The following DPP10 variants were observed in gnomAD, a reference collection of about 807,000 sequenced individuals.
DPP10 encodes inactive dipeptidyl peptidase 10.
Under a neutral mutation model 120.9 loss-of-function variants are expected in DPP10, and 33 were observed. The observed-to-expected ratio is 0.27, with a 90% CI of 0.21 to 0.37. DPP10 has a LOEUF of 0.37. Ranked by LOEUF, DPP10 falls within the 10% of genes least tolerant of loss-of-function variation. DPP10 has a pLI of 1.00. For synonymous variants in DPP10, 337 were observed against 326.1 expected (o/e 1.03, Z -0.36); for missense variants, 816 against 942.8 (o/e 0.87, Z 1.76).
intron 7 of DPP10, among the ~76,000 whole-genome samples, chr2:115,724,702 TAGAG>T (rs2092725223): frequency 6.6e-6 from 1 of 152,196 alleles, no homozygotes; most frequent in Admixed American, 6.5e-5. Flanking sequence ...TGCATTGCTA[TAGAG>T]AAACACCTGA....
chr2:114,526,747 T>G (rs149775806), intron 1 of DPP10, among the ~76,000 whole-genome samples: 8 of 152,230 alleles, frequency 5.3e-5, no homozygotes, highest in African/African-American at 1.9e-4. Flanking sequence ...ATAAGAGCAC[T>G]AATCCCATTT....
At chr2:115,498,167 C>T (rs934227234) in intron 3 of DPP10, among the ~76,000 whole-genome samples, 5 of 152,008 alleles carry the variant, frequency 3.3e-5, no homozygotes, top group Non-Finnish European at 5.9e-5. Context: ...TCACTGTTCC[C>T]ATGTGATTAA....
At chr2:115,379,642 G>A (rs1039787897) in intron 3 of DPP10, among the ~76,000 whole-genome samples, 8 of 152,090 alleles carry the variant, frequency 5.3e-5, no homozygotes, top group African/African-American at 1.9e-4. Flanking sequence ...TAATTGTGAT[G>A]TCAGGGTGTC....
At chr2:115,495,522 T>C (rs527277733) in intron 3 of DPP10, among the ~76,000 whole-genome samples, 168 of 152,220 alleles carry the variant, frequency 1.1e-3, no homozygotes, top group African/African-American at 3.9e-3. Flanking sequence ...AGTTCTTAAT[T>C]TCAATACCAC....
At chr2:114,884,498 C>G (rs1691894027) in intron 1 of DPP10, among the ~76,000 whole-genome samples, 1 of 152,170 alleles carries the variant, frequency 6.6e-6, no homozygotes, top group Admixed American at 6.5e-5. Flanking sequence ...CAATGGCCAG[C>G]CAAGTTTTTC....
chr2:115,133,093 C>G (rs9308709), intron 1 of DPP10, among the ~76,000 whole-genome samples: 1 of 138,242 alleles, frequency 7.2e-6, no homozygotes, highest in South Asian at 2.3e-4. Flanking sequence ...CAAAATCTCC[C>G]AATCTATATA....
intron 1 of DPP10, among the ~76,000 whole-genome samples, chr2:114,934,933 C>T (rs1696344870): frequency 6.6e-6 from 1 of 152,012 alleles, no homozygotes; most frequent in South Asian, 2.1e-4. Flanking sequence ...AAGTAATTGG[C>T]AAATTATTAC....
At chr2:114,570,836 TAA>T (rs58796386) in intron 1 of DPP10, among the ~76,000 whole-genome samples, 5,580 of 57,838 alleles carry the variant, frequency 0.096, 203 homozygotes, top group East Asian at 0.27. Context: ...CTGTCTCAAA[TAA>T]AAAAAAAAAA....
chr2:115,305,581 T>A (rs1182302264), intron 1 of DPP10, among the ~76,000 whole-genome samples: 2 of 151,682 alleles, frequency 1.3e-5, no homozygotes, highest in Admixed American at 6.6e-5. Flanking sequence ...AAAATAATTT[T>A]AAAAAATTAA....
intron 1 of DPP10, among the ~76,000 whole-genome samples, chr2:115,295,706 T>C (rs1379691596): frequency 1.3e-5 from 2 of 151,922 alleles, no homozygotes; most frequent in Non-Finnish European, 2.9e-5. Flanking sequence ...TAATTTCTGC[T>C]TTTTTTTCTT....
At chr2:114,558,463 C>G (rs1688499040) in intron 1 of DPP10, among the ~76,000 whole-genome samples, 2 of 152,224 alleles carry the variant, frequency 1.3e-5, no homozygotes, top group Admixed American at 1.3e-4. Flanking sequence ...TTTCTGGCAT[C>G]AACTTAAATA....
rs67359999 is a variant in DPP10 at position 115,617,289 on chromosome 2, T to TATATATATATATATATAC, written c.442-72397_442-72396insTATATATATATATATACA. Among the ~76,000 whole-genome samples, 314 of 136,476 alleles carry TATATATATATATATATAC rather than the reference T, an allele frequency of 2.3e-3. 1 individual carries two copies. Among genetic ancestry groups the TATATATATATATATATAC allele is most frequent in the Middle Eastern group, 9.2e-3 (2 of 218 alleles). The allele number at this position is 136,476 out of a possible 152,430, so 89.5% of individuals were successfully genotyped here. A position where few individuals can be genotyped will look rare whatever the true frequency, so the allele number is the denominator to read the frequency against. The stretch of plus-strand genomic sequence containing the variant: ...TATATTTTTTATATATATATATATA[T>TATATATATATATATATAC]ACACACATAGCATATATGTATATGC... On this transcript the variant is annotated intron_variant, in intron 5 of 25. Transcript: ENST00000410059.
intron 2 of DPP10, among the ~76,000 whole-genome samples, chr2:115,335,412 A>G (rs1186268002): frequency 2.0e-5 from 3 of 152,002 alleles, no homozygotes; most frequent in African/African-American, 2.4e-5. Flanking sequence ...TTTCTAGGTG[A>G]TAAGTTAGGA....
At chr2:115,387,313 T>TTGAAC (rs1422315373) in intron 3 of DPP10, among the ~76,000 whole-genome samples, 1 of 152,212 alleles carries the variant, frequency 6.6e-6, no homozygotes, top group Admixed American at 6.5e-5. Context: ...AACAACATGT[T>TTGAAC]AACATCTGGC....
At chr2:115,582,571 A>G (rs1030847670) in intron 5 of DPP10, among the ~76,000 whole-genome samples, 2 of 152,152 alleles carry the variant, frequency 1.3e-5, no homozygotes, top group African/African-American at 4.8e-5. Context: ...TGCCCTGCTC[A>G]TGTATGCCTA....
chr2:115,163,668 C>T (rs2052608294), intron 1 of DPP10, among the ~76,000 whole-genome samples: 1 of 152,144 alleles, frequency 6.6e-6, no homozygotes, highest in African/African-American at 2.4e-5. Context: ...CCTTAAATTT[C>T]ATTAACAAGC....
chr2:115,405,198 G>A (rs2068416910), intron 3 of DPP10, among the ~76,000 whole-genome samples: 3 of 152,192 alleles, frequency 2.0e-5, no homozygotes, highest in South Asian at 2.1e-4. Flanking sequence ...TGGTGGAACA[G>A]GCATAAGATG....
chr2:114,636,919 A>G (rs1475752662), intron 1 of DPP10, among the ~76,000 whole-genome samples: 2 of 151,932 alleles, frequency 1.3e-5, no homozygotes, highest in Non-Finnish European at 1.5e-5. Context: ...GGCTCAAATC[A>G]CAAATCACAC....
At chr2:114,720,175 A>T (rs72830373) in intron 1 of DPP10, among the ~76,000 whole-genome samples, 1,681 of 152,292 alleles carry the variant, frequency 0.011, 13 homozygotes, top group Middle Eastern at 0.034. Flanking sequence ...GAGGTGGGGA[A>T]GATCAGAGAG....
Sources: allele counts gnomAD v4.1 joint callset (sites outside exome capture counted in the v4.1 genomes callset), GRCh38; gene constraint gnomAD v4.1.1; transcripts MANE v1.5; gene names NCBI Gene and HGNC (gene_info 2026-07-23, HGNC 2026-07-21).